ACSF3: variants seen among roughly 807,000 people sequenced by gnomAD.
The protein encoded by ACSF3 is acyl-CoA synthetase family member 3.
A neutral mutation model predicts 53.2 loss-of-function variants in ACSF3; 78 were observed. The ratio of observed to expected loss-of-function variants is 1.47; its 90% CI spans 1.22 to 1.77. ACSF3 has a LOEUF of 1.77. Among genes scored for constraint, ACSF3 ranks in the 40% most tolerant of loss-of-function variants. The probability of loss-of-function intolerance (pLI) is 0.00; values close to 1 mark genes in which losing one functional copy is unlikely to be tolerated. For missense variants in ACSF3, 937 were observed against 771.1 expected (o/e 1.22, Z -2.55); for synonymous variants, 414 against 333.1 (o/e 1.24, Z -2.65).
At chr16:89,131,466 C>G (rs184686809) in intron 7 of ACSF3, among the ~76,000 whole-genome samples, 67 of 152,190 alleles carry the variant, frequency 4.4e-4, no homozygotes, top group African/African-American at 1.4e-3. Context: ...ACTGTGTTGT[C>G]TCAGTGCTGT....
At chr16:89,152,615 A>G (rs1914230775) in intron 10 of ACSF3, 1 of 152,176 alleles carries the variant, frequency 6.6e-6, no homozygotes, top group Non-Finnish European at 1.5e-5. Context: ...CTCAAAAGAA[A>G]AAAAAATCTA....
At chr16:89,149,018 C>T (rs1233156529) in intron 10 of ACSF3, 1 of 152,176 alleles carries the variant, frequency 6.6e-6, no homozygotes, top group Non-Finnish European at 1.5e-5. Flanking sequence ...TGCAAATTTT[C>T]CAAATTTTAT....
chr16:89,105,002 G>A (rs917018432), intron 4 of ACSF3, among the ~76,000 whole-genome samples: 1 of 107,576 alleles, frequency 9.3e-6, no homozygotes, highest in Non-Finnish European at 2.0e-5. Context: ...TCCCTCCACT[G>A]CTCTTCAGGA....
At chr16:89,125,149 G>A (rs1907731055) in intron 7 of ACSF3, among the ~76,000 whole-genome samples, 1 of 152,080 alleles carries the variant, frequency 6.6e-6, no homozygotes, top group Non-Finnish European at 1.5e-5. Flanking sequence ...TTCAAGACCA[G>A]CCTGACCAAG....
At chr16:89,119,474 C>A (rs1347247894) in intron 6 of ACSF3, among the ~76,000 whole-genome samples, 1 of 152,196 alleles carries the variant, frequency 6.6e-6, no homozygotes, top group Non-Finnish European at 1.5e-5. Context: ...AAGTGGGGGG[C>A]TGTGCAATGT....
In ACSF3 at chr16:89,128,933, C is replaced by G. The variant is rs145454903; in HGVS notation, c.1240-4203C>G. Among the ~76,000 whole-genome samples the G allele has an allele frequency of 1.7e-3, 265 of 151,690 alleles. 1 individual carries two copies. The highest frequency in any genetic ancestry group is 6.2e-3 in the African/African-American group (257 of 41,264). ...CACTGCCCAGGAGTTTGAGCCCAGC[C>G]TGAGCAACATAGTGAGACCCCATCT... On this transcript the variant is annotated intron_variant, in intron 7 of 10. Transcript: ENST00000614302.
chr16:89,150,767 T>A (rs1409502664), intron 10 of ACSF3: 7 of 352,646 alleles, frequency 2.0e-5, no homozygotes, highest in Non-Finnish European at 3.3e-5. Context: ...AGGCCCTTGC[T>A]GTCCAGGCCA....
At chr16:89,144,106 C>A (rs73256062) in intron 8 of ACSF3, among the ~76,000 whole-genome samples, 1 of 152,184 alleles carries the variant, frequency 6.6e-6, no homozygotes, top group South Asian at 2.1e-4. Flanking sequence ...CACACACGCT[C>A]GCAGGCACGC....
chr16:89,144,107 G>A (rs756230762), intron 8 of ACSF3, among the ~76,000 whole-genome samples: 4 of 152,210 alleles, frequency 2.6e-5, no homozygotes, highest in Non-Finnish European at 4.4e-5. Context: ...ACACACGCTC[G>A]CAGGCACGCA....
In ACSF3 at chr16:89,101,022, C is replaced by T. The variant is rs764592417; in HGVS notation, c.341C>T (p.Ala114Val). The T allele has an allele frequency of 4.3e-6, 7 of 1,613,770 alleles. No homozygotes were observed. The highest frequency in any genetic ancestry group is 2.2e-5 in the South Asian group (2 of 91,086). Reference sequence around the variant, plus strand: ...GCCTCCTACGTCGTGGCCCAGTGGGCGTCATGGATGAGTGGCGGTGTGGCA... The same window carrying T: ...GCCTCCTACGTCGTGGCCCAGTGGGTGTCATGGATGAGTGGCGGTGTGGCA... ...NDASYVVAQW[A>V]SWMSGGVAVP... Residue 114 changes from alanine (A) to valine (V), a missense_variant, in exon 3 of 11, where the codon GCG becomes GTG. By Grantham distance (64) the Ala-to-Val change is moderately conservative (BLOSUM62 0). Coordinates refer to ENST00000614302, the MANE Select transcript of ACSF3 (RefSeq NM_001243279.3).
intron 4 of ACSF3, among the ~76,000 whole-genome samples, 159 bp downstream of exon 4, chr16:89,102,918 G>A (rs1975534224): frequency 6.6e-6 from 1 of 152,228 alleles, no homozygotes; most frequent in African/African-American, 2.4e-5. Context: ...TTCCTGGTGT[G>A]CAGTCGCCCC....
intron 1 of ACSF3, chr16:89,095,451 T>A (rs1974495677): frequency 6.6e-6 from 1 of 152,204 alleles, no homozygotes; most frequent in Non-Finnish European, 1.5e-5. Flanking sequence ...TACTTAAAAA[T>A]GTAATTTTGA....
Position 89,145,255 on chromosome 16 carries a change from C to T in ACSF3, c.1367-12C>T, listed in dbSNP as rs375047697. On this transcript the variant is annotated splice_polypyrimidine_tract_variant and intron_variant, in intron 8 of 10. Coordinates refer to ENST00000614302, the MANE Select transcript of ACSF3 (RefSeq NM_001243279.3). ...TAAGGATGGCCAGTTAACCAGAGCC[C>T]CTTTTCCTCAGGGGACACCGTGGTG... 6.2e-7 allele frequency: 1 copy of T among 1,613,872 alleles called. No homozygotes were observed. The highest frequency in any genetic ancestry group is 1.3e-5 in the African/African-American group (1 of 74,886).
Position 89,155,039 on chromosome 16 carries a change from C to G in ACSF3, c.*832C>G, listed in dbSNP as rs773694176. On this transcript the variant is annotated 3_prime_UTR_variant, in exon 11 of 11. Coordinates refer to ENST00000614302, the MANE Select transcript of ACSF3 (RefSeq NM_001243279.3). The stretch of plus-strand genomic sequence containing the variant: ...TGGCTCACCAGCTTTTCCCCAGACC[C>G]AGCTCCGGAGCCCACAGGCGTGGCC... 7.0e-5 allele frequency: 32 copies of G among 454,028 alleles called. No individual in the cohort carries two copies. The highest frequency in any genetic ancestry group is 1.2e-4 in the Non-Finnish European group (28 of 226,806). The allele number at this position is 454,028 out of a possible 1,614,324, so 28.1% of individuals were successfully genotyped here.
At chr16:89,108,704 C>CTG (rs1382785361) in intron 4 of ACSF3, among the ~76,000 whole-genome samples, 1 of 152,206 alleles carries the variant, frequency 6.6e-6, no homozygotes, top group African/African-American at 2.4e-5. Context: ...CCATGTTCTA[C>CTG]TGTGTGTATT....
intron 4 of ACSF3, among the ~76,000 whole-genome samples, chr16:89,111,710 G>T (rs59112090): frequency 6.6e-6 from 1 of 152,256 alleles, no homozygotes. Context: ...GCTAGTCACT[G>T]CATGCCTGTC....
Position 89,114,356 on chromosome 16 carries a change from C to T in ACSF3, c.995C>T (p.Ser332Leu), listed in dbSNP as rs373670668. The stretch of plus-strand genomic sequence containing the variant: ...CCGCGTAGGCTGATGGTCTCAGGCT[C>T]AGCTGCCCTGCCCCTCCCAGTGCTG... ...EEKIRLMVSG[S>L]AALPLPVLEK... The change falls in exon 6 of 11, where the codon TCA becomes TTA. Residue 332 changes from serine to leucine, a missense_variant. Transcript: ENST00000614302. 30 of 1,613,928 alleles carry T rather than the reference C, an allele frequency of 1.9e-5. No individual in the cohort carries two copies. In the African/African-American group the frequency reaches 2.1e-4, roughly 11 times the overall value.
chr16:89,131,127 CTTTTTTTTTTTTTTTTTTTT>C (rs558773398), intron 7 of ACSF3, among the ~76,000 whole-genome samples: 1 of 69,562 alleles, frequency 1.4e-5, no homozygotes, highest in South Asian at 6.3e-4. Flanking sequence ...TTTTCTTTTT[CTTTTTTTTTTTTTTTTTTTT>C]TTTTGAGACA....
chr16:89,139,317 C>T (rs868424643), intron 8 of ACSF3, among the ~76,000 whole-genome samples: 35 of 152,286 alleles, frequency 2.3e-4, no homozygotes, highest in South Asian at 2.1e-4. Flanking sequence ...GACGTCGGCT[C>T]CCAGCCCACA....
Sources: gnomAD v4.1 joint callset for allele counts (sites outside exome capture counted in the v4.1 genomes callset) on GRCh38, gnomAD v4.1.1 for gene constraint, MANE v1.5 for transcripts, NCBI Gene and HGNC (gene_info 2026-07-23, HGNC 2026-07-21) for gene names.